The following RASGRF1 variants were observed in gnomAD, a reference collection of about 807,000 sequenced individuals.
RASGRF1 encodes the protein ras-specific guanine nucleotide-releasing factor 1.
Under a neutral mutation model 138.7 loss-of-function variants are expected in RASGRF1, and 40 were observed. The ratio of observed to expected loss-of-function variants is 0.29; its 90% CI spans 0.22 to 0.38. The LOEUF (loss-of-function observed/expected upper bound fraction) is 0.38. Among genes scored for constraint, RASGRF1 ranks in the 10% least tolerant of loss-of-function variants. The pLI, the probability that RASGRF1 is intolerant of heterozygous loss-of-function variation, is 1.00. For missense variants in RASGRF1, 1,108 were observed against 1,650.4 expected, an observed-to-expected ratio of 0.67 and a Z score of 5.69; for synonymous variants, 614 against 663.2, an observed-to-expected ratio of 0.93 and a Z score of 1.14.
chr15:79,029,702 C>T (rs2057110369), intron 8 of RASGRF1, among the ~76,000 whole-genome samples: 1 of 152,034 alleles, frequency 6.6e-6, no homozygotes, highest in Admixed American at 6.6e-5. Flanking sequence ...TATCTAATGG[C>T]TTCCTGCTTG....
At chr15:78,964,591 G>A (rs1009086567) in intron 26 of RASGRF1, among the ~76,000 whole-genome samples, 11 of 152,186 alleles carry the variant, frequency 7.2e-5, no homozygotes, top group African/African-American at 1.9e-4. Context: ...GTGTGACCAC[G>A]GTGCCTTCTG....
intron 16 of RASGRF1, among the ~76,000 whole-genome samples, chr15:79,000,711 G>A (rs527373304): frequency 6.6e-6 from 1 of 152,292 alleles, no homozygotes; most frequent in Admixed American, 6.5e-5. Context: ...CAAAATAGCA[G>A]TATTTAATGC....
chr15:79,055,920 A>G (rs182581019), intron 3 of RASGRF1, among the ~76,000 whole-genome samples: 191 of 152,106 alleles, frequency 1.3e-3, no homozygotes, highest in African/African-American at 4.5e-3. Context: ...AGGCCAAAAG[A>G]AGGAGTGATA....
intron 11 of RASGRF1, 52 bp from the exon 12 acceptor site, chr15:79,017,958 G>A (rs2056904251): frequency 5.0e-6 from 8 of 1,602,094 alleles, no homozygotes; most frequent in Non-Finnish European, 6.8e-6. Flanking sequence ...CGCCTTTTCA[G>A]GTGGAAAATG....
chr15:79,025,624 A>C, intron 9 of RASGRF1, 150 bp from the exon 10 acceptor site: 1 of 949,188 alleles, frequency 1.1e-6, no homozygotes, highest in Non-Finnish European at 1.5e-6. Context: ...ATACTCCTTT[A>C]GGCCTCTCTG....
At chr15:78,968,268 G>GTGTGTGTT (rs1426637737) in intron 26 of RASGRF1, among the ~76,000 whole-genome samples, 1 of 151,596 alleles carries the variant, frequency 6.6e-6, no homozygotes, top group Non-Finnish European at 1.5e-5. Flanking sequence ...GTGTGTGTGT[G>GTGTGTGTT]TGTGTGTGTG....
rs886422438 is a variant in RASGRF1 at position 78,973,714 on chromosome 15, C to T, written c.3495-294G>A. On this transcript the variant is annotated intron_variant, in intron 24 of 26. Transcript: ENST00000558480. The surrounding 1 kb of genome is among the most constrained non-coding windows in gnomAD (Gnocchi z 4.9). ...CCCTGAGCCAGAAGGTCCTCCCCTACCTCTCTGCCTTCTGTCCCAGTCAGT... is the reference window on the plus strand; with the variant it reads ...CCCTGAGCCAGAAGGTCCTCCCCTATCTCTCTGCCTTCTGTCCCAGTCAGT... 6.6e-6 allele frequency among the ~76,000 whole-genome samples: 1 copy of T among 152,116 alleles called. No individual in the cohort carries two copies.
intron 2 of RASGRF1, among the ~76,000 whole-genome samples, chr15:79,061,938 G>A (rs1323201224): frequency 6.6e-6 from 1 of 152,156 alleles, no homozygotes; most frequent in Middle Eastern, 3.2e-3. Flanking sequence ...GAACTGCTGG[G>A]TCACAGAGCA....
intron 3 of RASGRF1, among the ~76,000 whole-genome samples, chr15:79,053,123 G>C (rs1256954890): frequency 6.6e-6 from 1 of 152,018 alleles, no homozygotes; most frequent in Admixed American, 6.5e-5. Context: ...AAATTAGCTG[G>C]GTGTGGTGGC....
chr15:78,976,559 AAC>A (rs58602180), intron 24 of RASGRF1, among the ~76,000 whole-genome samples: 53 of 148,412 alleles, frequency 3.6e-4, no homozygotes, highest in Non-Finnish European at 4.6e-4. Context: ...CACTCAATCA[AAC>A]ACACACACAC....
At chr15:79,070,171 G>A (rs2057736066) in intron 1 of RASGRF1, among the ~76,000 whole-genome samples, 1 of 152,216 alleles carries the variant, frequency 6.6e-6, no homozygotes. Context: ...GGTTGGGTCT[G>A]GGATATGCTT....
chr15:79,042,118 A>G (rs11632649), intron 5 of RASGRF1, among the ~76,000 whole-genome samples: 33,899 of 152,098 alleles, frequency 0.22, 3,943 homozygotes, highest in Middle Eastern at 0.33. Flanking sequence ...TCGTTCAAAG[A>G]TCTTTTCCCC....
intron 1 of RASGRF1, among the ~76,000 whole-genome samples, chr15:79,075,382 A>G (rs1389296765): frequency 6.6e-6 from 1 of 152,052 alleles, no homozygotes; most frequent in African/African-American, 2.4e-5. Context: ...TCCAGCGCAT[A>G]CCTGGCCCCA....
intron 24 of RASGRF1, among the ~76,000 whole-genome samples, chr15:78,975,830 T>C (rs2055859643): frequency 6.6e-6 from 1 of 152,154 alleles, no homozygotes; most frequent in African/African-American, 2.4e-5. Flanking sequence ...AGCTCTTCAT[T>C]TCCTTTCTAT....
Position 79,006,216 on chromosome 15 carries a change from T to A in RASGRF1, c.2045A>T (p.Tyr682Phe). ...AGGAATGGCACTGATAGGCTTCTTGTAGATGGTAATGAGCTTGTCCAGGAC... is the reference window on the plus strand; with the variant it reads ...AGGAATGGCACTGATAGGCTTCTTGAAGATGGTAATGAGCTTGTCCAGGAC... The part of the protein sequence containing the change: ...IVVLDKLITI[Y>F]KKPISAIPAR... The change falls in exon 14 of 27, where the codon TAC becomes TTC. Residue 682 changes from tyrosine (Y) to phenylalanine (F), a missense_variant. This residue lies in a region of RASGRF1 where 686 missense variants were observed against 976.7 expected (regional missense o/e 0.70). Coordinates refer to ENST00000558480, the MANE Select transcript of RASGRF1 (RefSeq NM_001145648.3). The surrounding 1 kb of genome is among the most constrained non-coding windows in gnomAD (Gnocchi z 4.0). 1.2e-6 allele frequency: 2 copies of A among 1,614,102 alleles called. No individual in the cohort carries two copies. Among genetic ancestry groups the A allele is most frequent in the Non-Finnish European group, 1.7e-6 (2 of 1,180,010 alleles).
intron 24 of RASGRF1, among the ~76,000 whole-genome samples, chr15:78,974,485 G>A (rs1247027624): frequency 6.6e-6 from 1 of 152,174 alleles, no homozygotes; most frequent in Non-Finnish European, 1.5e-5. Context: ...CCTAGGCCAG[G>A]TCTTTCCCTC....
In RASGRF1 at chr15:79,068,726, A is replaced by G. The variant is rs370902091; in HGVS notation, c.277-4200T>C. ...TTTGGGTCTTTCCCTGCACTTCTGG[A>G]TAGGCCTTGGGTTGTTCCCAATCTC... is the stretch of plus-strand genomic sequence containing the variant. On this transcript the variant is annotated intron_variant, in intron 1 of 26. Transcript: ENST00000558480. 4.6e-5 allele frequency among the ~76,000 whole-genome samples: 7 copies of G among 151,910 alleles called. No individual in the cohort carries two copies. The East Asian group carries it at 1.2e-3, about 25-fold the overall frequency.
In RASGRF1 at chr15:78,962,004, C is replaced by A; in HGVS notation, c.*140G>T. 6.4e-6 allele frequency: 4 copies of A among 628,122 alleles called. No individual in the cohort carries two copies. Among genetic ancestry groups the A allele is most frequent in the Non-Finnish European group, 8.4e-6 (3 of 356,060 alleles). 38.9% of individuals were successfully genotyped at this position (628,122 alleles called of 1,614,324 possible). A position where few individuals can be genotyped will look rare whatever the true frequency, so the allele number is the denominator to read the frequency against. ...TGCAGAAATTCATATTCCGGTTCTA[C>A]AGGAATCTAAGAACAAGGACGATTT... On this transcript the variant is annotated 3_prime_UTR_variant, in exon 27 of 27. Transcript: ENST00000558480.
intron 1 of RASGRF1, among the ~76,000 whole-genome samples, chr15:79,068,988 C>A (rs534552444): frequency 3.0e-4 from 46 of 152,040 alleles, no homozygotes; most frequent in Non-Finnish European, 5.9e-4. Context: ...CAGGCCTGGC[C>A]GGGCTTAGGC....
Sources: allele counts gnomAD v4.1 joint callset (sites outside exome capture counted in the v4.1 genomes callset), GRCh38; gene constraint gnomAD v4.1.1; regional missense constraint gnomAD v4.1.1; non-coding constraint Gnocchi (gnomAD v3.1); transcripts MANE v1.5; gene names NCBI Gene and HGNC (gene_info 2026-07-23, HGNC 2026-07-21).